Variants in CADM2 observed in about 807,000 individuals in gnomAD.
CADM2 encodes the protein cell adhesion molecule 2.
In CADM2, 12 loss-of-function variants were observed where a neutral mutation model predicts 49.8. The observed-to-expected ratio is 0.24, with a 90% confidence interval of 0.15 to 0.39. The LOEUF is 0.39. Ranked by LOEUF, CADM2 falls within the 10% of genes least tolerant of loss-of-function variation. The probability of loss-of-function intolerance (pLI) is 1.00; values close to 1 mark genes in which losing one functional copy is unlikely to be tolerated. For missense variants in CADM2, 378 were observed against 492.3 expected (o/e 0.77, Z 2.20); for synonymous variants, 214 against 175.4 (o/e 1.22, Z -1.74).
intron 1 of CADM2, among the ~76,000 whole-genome samples, chr3:85,466,295 C>G (rs1380332930): frequency 6.6e-6 from 1 of 152,030 alleles, no homozygotes; most frequent in African/African-American, 2.4e-5. Flanking sequence ...CAATTTTATA[C>G]GTTTTTGTCA....
chr3:85,534,057 G>C (rs1486001855), intron 1 of CADM2, among the ~76,000 whole-genome samples: 1 of 152,134 alleles, frequency 6.6e-6, no homozygotes, highest in South Asian at 2.1e-4. Flanking sequence ...TTACTCAGAT[G>C]TGTAGCATAT....
At chr3:85,099,031 A>T (rs1469958831) in intron 1 of CADM2, among the ~76,000 whole-genome samples, 1 of 152,204 alleles carries the variant, frequency 6.6e-6, no homozygotes, top group African/African-American at 2.4e-5. Context: ...ACAATATGTA[A>T]TCAAACAAAT....
chr3:85,324,757 C>T (rs1446592432), intron 1 of CADM2, among the ~76,000 whole-genome samples: 1 of 152,182 alleles, frequency 6.6e-6, no homozygotes, highest in Non-Finnish European at 1.5e-5. Flanking sequence ...TTCCAATTTA[C>T]ACTTGCAGAT....
intron 1 of CADM2, among the ~76,000 whole-genome samples, chr3:85,528,212 C>A (rs1213307024): frequency 6.6e-6 from 1 of 152,072 alleles, no homozygotes; most frequent in East Asian, 1.9e-4. Context: ...TCACAGACAT[C>A]CTAAGTGCCA....
At chr3:85,908,149 A>C (rs1286802389) in intron 5 of CADM2, among the ~76,000 whole-genome samples, 3 of 151,988 alleles carry the variant, frequency 2.0e-5, no homozygotes, top group Non-Finnish European at 4.4e-5. Flanking sequence ...AGTTAATATT[A>C]TAAACCTAGG....
intron 1 of CADM2, among the ~76,000 whole-genome samples, chr3:85,107,271 A>T (rs879541116): frequency 6.6e-5 from 10 of 152,192 alleles, no homozygotes; most frequent in Non-Finnish European, 1.0e-4. Context: ...ATATATATGG[A>T]TATTTCATAA....
chr3:85,020,859 A>T (rs2034472156), intron 1 of CADM2, among the ~76,000 whole-genome samples: 1 of 151,994 alleles, frequency 6.6e-6, no homozygotes, highest in African/African-American at 2.4e-5. Flanking sequence ...TTCTAAAGGT[A>T]TTTTGTAGCA....
intron 8 of CADM2, 115 bp downstream of exon 8, chr3:85,961,762 A>G (rs1724845532): frequency 1.9e-6 from 1 of 519,752 alleles, no homozygotes; most frequent in Non-Finnish European, 3.2e-6. Flanking sequence ...TTTTTACTTC[A>G]GGACATCTTA....
At chr3:85,414,310 A>T (rs1401667441) in intron 1 of CADM2, among the ~76,000 whole-genome samples, 1 of 152,236 alleles carries the variant, frequency 6.6e-6, no homozygotes, top group Non-Finnish European at 1.5e-5. Flanking sequence ...GACAATAATA[A>T]GCAAAACTAG....
chr3:85,429,419 A>G (rs1298540185), intron 1 of CADM2, among the ~76,000 whole-genome samples: 1 of 152,118 alleles, frequency 6.6e-6, no homozygotes, highest in African/African-American at 2.4e-5. Flanking sequence ...AGTAATAAAT[A>G]TGAGCAATCA....
intron 1 of CADM2, among the ~76,000 whole-genome samples, chr3:85,596,914 G>T (rs1312597750): frequency 7.9e-5 from 12 of 151,860 alleles, no homozygotes. Context: ...ACAGGCTTTC[G>T]CCATGTTGGC....
chr3:85,378,655 A>T (rs2107346289), intron 1 of CADM2, among the ~76,000 whole-genome samples: 1 of 152,062 alleles, frequency 6.6e-6, no homozygotes, highest in Non-Finnish European at 1.5e-5. Context: ...AAGAAAACTG[A>T]GTATGAGAGG....
intron 8 of CADM2, among the ~76,000 whole-genome samples, chr3:86,058,641 A>G (rs1738265982): frequency 1.3e-5 from 2 of 152,126 alleles, no homozygotes; most frequent in African/African-American, 4.8e-5. Flanking sequence ...TTAATATATA[A>G]TAACAATTGA....
intron 1 of CADM2, among the ~76,000 whole-genome samples, chr3:85,557,983 T>C (rs17023001): frequency 0.043 from 6,490 of 152,104 alleles, 459 homozygotes; most frequent in African/African-American, 0.15. Flanking sequence ...ATTTGAACAC[T>C]AGGAAAAAAG....
chr3:85,718,703 C>A, intron 1 of CADM2, among the ~76,000 whole-genome samples: 1 of 151,574 alleles, frequency 6.6e-6, no homozygotes, highest in Non-Finnish European at 1.5e-5. Context: ...TATAAAATAT[C>A]AGTTATTTTG....
At chr3:85,201,886 T>C (rs1351343652) in intron 1 of CADM2, among the ~76,000 whole-genome samples, 1 of 151,734 alleles carries the variant, frequency 6.6e-6, no homozygotes, top group East Asian at 1.9e-4. Context: ...ATCAAGACCA[T>C]CCTGGCCAAC....
At chr3:85,124,100 C>G (rs894254423) in intron 1 of CADM2, among the ~76,000 whole-genome samples, 1 of 152,066 alleles carries the variant, frequency 6.6e-6, no homozygotes, top group Non-Finnish European at 1.5e-5. Context: ...CTAATTGGGG[C>G]CCTTCTAAGT....
chr3:85,974,321 C>T (rs1024815837), intron 8 of CADM2, among the ~76,000 whole-genome samples: 2 of 151,594 alleles, frequency 1.3e-5, no homozygotes, highest in African/African-American at 2.4e-5. Flanking sequence ...AGAGCTATGT[C>T]TAGCTCTGTC....
chr3:85,083,515 T>A (rs149318923), intron 1 of CADM2, among the ~76,000 whole-genome samples: 2 of 152,104 alleles, frequency 1.3e-5, no homozygotes, highest in African/African-American at 4.8e-5. Context: ...TATAAAGAGA[T>A]CACAGCCTTA....
Sources: allele counts gnomAD v4.1 joint callset (sites outside exome capture counted in the v4.1 genomes callset), GRCh38; gene constraint gnomAD v4.1.1; transcripts MANE v1.5; gene names NCBI Gene and HGNC (gene_info 2026-07-23, HGNC 2026-07-21).